The following ZFPM2 variants were observed in gnomAD, a reference collection of about 807,000 sequenced individuals.
ZFPM2 encodes the protein zinc finger protein ZFPM2.
ZFPM2 carries 20 observed loss-of-function variants against 98.6 expected under a neutral mutation model. The ratio of observed to expected loss-of-function variants is 0.20; its 90% CI spans 0.14 to 0.29. The LOEUF (loss-of-function observed/expected upper bound fraction) is 0.29, where lower values mean the gene tolerates loss of function less well. Among genes scored for constraint, ZFPM2 ranks in the 10% least tolerant of loss-of-function variants. The pLI is 1.00. For missense variants in ZFPM2, 1,310 were observed against 1,388.6 expected (o/e 0.94, Z 0.90); for synonymous variants, 518 against 502.7 (o/e 1.03, Z -0.41).
chr8:105,505,995 AC>A (rs1361984826), intron 3 of ZFPM2, among the ~76,000 whole-genome samples: 1 of 152,198 alleles, frequency 6.6e-6, no homozygotes, highest in African/African-American at 2.4e-5. Context: ...CAAATCATAC[AC>A]AATGAAGAAG....
At chr8:105,582,698 A>G (rs1815628894) in intron 4 of ZFPM2, among the ~76,000 whole-genome samples, 1 of 152,116 alleles carries the variant, frequency 6.6e-6, no homozygotes, top group Non-Finnish European at 1.5e-5. Context: ...GGCTCAAGCA[A>G]TACCCCCACC....
intron 4 of ZFPM2, among the ~76,000 whole-genome samples, chr8:105,578,261 A>G (rs573840049): frequency 5.7e-4 from 86 of 152,142 alleles, no homozygotes; most frequent in African/African-American, 1.8e-3. Flanking sequence ...CATCTTCTTG[A>G]TAGTTCTCCA....
chr8:105,744,422 T>C (rs1222186022), intron 5 of ZFPM2, among the ~76,000 whole-genome samples: 2 of 152,106 alleles, frequency 1.3e-5, no homozygotes, highest in Non-Finnish European at 2.9e-5. Context: ...CCATTGGTGT[T>C]GTACTGACTA....
At chr8:105,599,731 A>G (rs547718414) in intron 4 of ZFPM2, among the ~76,000 whole-genome samples, 2 of 152,240 alleles carry the variant, frequency 1.3e-5, no homozygotes, top group African/African-American at 2.4e-5. Context: ...CATCAGCCCT[A>G]TCACAACTCC....
intron 5 of ZFPM2, among the ~76,000 whole-genome samples, chr8:105,667,356 T>C (rs1817509631): frequency 6.6e-6 from 1 of 152,214 alleles, no homozygotes; most frequent in South Asian, 2.1e-4. Context: ...TGGGAAGATC[T>C]GCATAACTCA....
rs1429157194 is a variant in ZFPM2 at position 105,318,874 on chromosome 8, G to GAGCGGCGGA, written c.-65_-64insGGCGGAAGC. On this transcript the variant is annotated 5_prime_UTR_variant, in exon 1 of 8. Transcript: ENST00000407775. ...GCGGCGGCGGCGGCGGCGGCGGCGGGAGCCGAGGGAGCGGCAGCCGCGACC... is the reference window on the plus strand; with the variant it reads ...GCGGCGGCGGCGGCGGCGGCGGCGGGAGCGGCGGAAGCCGAGGGAGCGGCAGCCGCGACC... The GAGCGGCGGA allele has an allele frequency of 1.6e-4, 161 of 1,021,050 alleles. 1 individual carries two copies. In the African/African-American group the frequency reaches 2.6e-3, roughly 17 times the overall value. The allele number at this position is 1,021,050 out of a possible 1,614,324, so 63.2% of individuals were successfully genotyped here. A position where few individuals can be genotyped will look rare whatever the true frequency, so the allele number is the denominator to read the frequency against.
intron 1 of ZFPM2, among the ~76,000 whole-genome samples, chr8:105,347,409 A>G (rs1407854205): frequency 1.3e-5 from 2 of 152,226 alleles, no homozygotes; most frequent in Admixed American, 6.5e-5. Context: ...TTAATAAGAT[A>G]TATCCATAAA....
At chr8:105,624,525 G>A (rs1172245551) in intron 4 of ZFPM2, among the ~76,000 whole-genome samples, 1 of 152,074 alleles carries the variant, frequency 6.6e-6, no homozygotes, top group Non-Finnish European at 1.5e-5. Flanking sequence ...TATCTGAATA[G>A]CTTAGATGTT....
intron 1 of ZFPM2, among the ~76,000 whole-genome samples, chr8:105,346,645 T>A (rs1812543171): frequency 6.6e-6 from 1 of 152,182 alleles, no homozygotes; most frequent in East Asian, 1.9e-4. Flanking sequence ...TTTATAAGCA[T>A]TTAACTTAAT....
chr8:105,648,981 T>C (rs761002428), intron 5 of ZFPM2, among the ~76,000 whole-genome samples: 2 of 152,216 alleles, frequency 1.3e-5, no homozygotes, highest in Non-Finnish European at 2.9e-5. Context: ...TATGGCTATT[T>C]TCACCATATT....
intron 1 of ZFPM2, among the ~76,000 whole-genome samples, chr8:105,396,432 A>G (rs575612634): frequency 6.6e-6 from 1 of 152,224 alleles, no homozygotes; most frequent in Admixed American, 6.5e-5. Context: ...GACATGGGGA[A>G]GAGTTGGATT....
chr8:105,428,541 T>C (rs1308417565), intron 2 of ZFPM2, among the ~76,000 whole-genome samples: 9 of 152,282 alleles, frequency 5.9e-5, no homozygotes, highest in Admixed American at 4.6e-4. Context: ...TTTCAGGTAA[T>C]TTGAAAGAGT....
chr8:105,366,484 G>T (rs1474320831), intron 1 of ZFPM2, among the ~76,000 whole-genome samples: 1 of 72,566 alleles, frequency 1.4e-5, no homozygotes, highest in African/African-American at 4.9e-5. Flanking sequence ...ATCACAAGGA[G>T]AATTCTTTTT....
At chr8:105,533,356 A>G (rs1261029959) in intron 3 of ZFPM2, among the ~76,000 whole-genome samples, 1 of 151,914 alleles carries the variant, frequency 6.6e-6, no homozygotes. Flanking sequence ...GCTCCATTTC[A>G]AAATGTGTAA....
chr8:105,405,466 T>C (rs1811430391), intron 1 of ZFPM2, among the ~76,000 whole-genome samples: 1 of 141,326 alleles, frequency 7.1e-6, no homozygotes, highest in Non-Finnish European at 1.5e-5. Flanking sequence ...TGTGTGATGT[T>C]CCCCTTCCTG....
At chr8:105,496,869 C>G (rs994665285) in intron 3 of ZFPM2, among the ~76,000 whole-genome samples, 2 of 147,638 alleles carry the variant, frequency 1.4e-5, no homozygotes, top group Non-Finnish European at 3.0e-5. Context: ...GTAATCCCAG[C>G]TACTTGGGAG....
intron 3 of ZFPM2, among the ~76,000 whole-genome samples, chr8:105,470,402 G>C (rs528418842): frequency 6.6e-6 from 1 of 152,312 alleles, no homozygotes; most frequent in East Asian, 1.9e-4. Flanking sequence ...CTAGGAATAT[G>C]AGATATCTTC....
intron 1 of ZFPM2, among the ~76,000 whole-genome samples, chr8:105,380,704 A>AAT (rs1445195643): frequency 5.1e-5 from 1 of 19,514 alleles, no homozygotes; most frequent in Non-Finnish European, 8.0e-5. Flanking sequence ...TAACATATAT[A>AAT]ATATATATAT....
intron 4 of ZFPM2, among the ~76,000 whole-genome samples, chr8:105,603,690 A>G (rs887663655): frequency 1.3e-5 from 2 of 152,100 alleles, no homozygotes; most frequent in African/African-American, 4.8e-5. Context: ...AGTACTCATT[A>G]GCTGTGTAAT....
Sources: gnomAD v4.1 joint callset for allele counts (sites outside exome capture counted in the v4.1 genomes callset) on GRCh38, gnomAD v4.1.1 for gene constraint, MANE v1.5 for transcripts, NCBI Gene and HGNC (gene_info 2026-07-23, HGNC 2026-07-21) for gene names.